IGSF11: variants seen among roughly 807,000 people sequenced by gnomAD.
IGSF11 encodes immunoglobulin superfamily member 11.
In IGSF11, 22 loss-of-function variants were observed where a neutral mutation model predicts 41.0. That is an observed-to-expected ratio of 0.54 (90% CI 0.38 to 0.77). IGSF11 has a LOEUF of 0.77. IGSF11 is among the 30% of genes least tolerant of loss of function. IGSF11 has a pLI of 0.00. For missense variants in IGSF11, 444 were observed against 530.8 expected, an observed-to-expected ratio of 0.84 and a Z score of 1.61; for synonymous variants, 219 against 201.3, an observed-to-expected ratio of 1.09 and a Z score of -0.74.
intron 1 of IGSF11, among the ~76,000 whole-genome samples, chr3:119,044,978 T>C (rs1001502387): frequency 2.6e-5 from 4 of 151,934 alleles, no homozygotes; most frequent in African/African-American, 9.7e-5. Context: ...ACAGGACCTA[T>C]AAAACAATAA....
At chr3:118,960,105 T>C (rs1945243224) in intron 1 of IGSF11, among the ~76,000 whole-genome samples, 1 of 150,112 alleles carries the variant, frequency 6.7e-6, no homozygotes, top group South Asian at 2.1e-4. Flanking sequence ...ACCCAGGTAA[T>C]AATGTGGCTC....
chr3:118,935,495 G>T (rs952314325), intron 1 of IGSF11, among the ~76,000 whole-genome samples: 1 of 150,678 alleles, frequency 6.6e-6, no homozygotes, highest in African/African-American at 2.4e-5. Context: ...AAGACAAACT[G>T]CCCTGAAGAA....
intron 1 of IGSF11, among the ~76,000 whole-genome samples, chr3:119,059,418 G>T (rs779079518): frequency 1.3e-5 from 2 of 152,050 alleles, no homozygotes; most frequent in African/African-American, 2.4e-5. Context: ...GGGGAAGGGT[G>T]GAGGGTGGTG....
intron 1 of IGSF11, among the ~76,000 whole-genome samples, chr3:119,138,633 TGAG>T (rs1263721413): frequency 1.3e-5 from 2 of 152,050 alleles, no homozygotes; most frequent in Non-Finnish European, 2.9e-5. Context: ...TACAGTGAGC[TGAG>T]ATTGTTCCAC....
intron 1 of IGSF11, among the ~76,000 whole-genome samples, chr3:119,007,437 G>T (rs539973833): frequency 6.6e-6 from 1 of 152,020 alleles, no homozygotes; most frequent in Admixed American, 6.5e-5. Flanking sequence ...CGTCGCTCAC[G>T]CTGGGAGCTG....
intron 1 of IGSF11, among the ~76,000 whole-genome samples, chr3:118,959,908 G>A (rs1945221560): frequency 6.6e-6 from 1 of 152,136 alleles, no homozygotes; most frequent in African/African-American, 2.4e-5. Flanking sequence ...AGCTGGGCGT[G>A]GTGGCGGGCG....
At position 118,902,301 on chromosome 3, in the gene IGSF11, C is replaced by A. The variant is rs1426613605; in HGVS notation, c.*219G>T. On this transcript the variant is annotated 3_prime_UTR_variant, in exon 7 of 7. Coordinates refer to ENST00000393775, the MANE Select transcript of IGSF11 (RefSeq NM_001015887.3). The stretch of plus-strand genomic sequence containing the variant: ...GCACATCTTTGAGATCCAGCAGAAT[C>A]CCAGGACATCTTTGGTGGGGAAGCA... The A allele has an allele frequency of 5.9e-6, 3 of 504,408 alleles. No homozygotes were observed. The highest frequency in any genetic ancestry group is 6.8e-5 in the Admixed American group (2 of 29,316). The allele number at this position is 504,408 out of a possible 1,614,324, so 31.2% of individuals were successfully genotyped here.
chr3:118,989,356 C>CAT (rs1935561154), intron 1 of IGSF11, among the ~76,000 whole-genome samples: 1 of 66,574 alleles, frequency 1.5e-5, no homozygotes, highest in African/African-American at 6.0e-5. Flanking sequence ...ACCTTTATAG[C>CAT]ATTTTTTTTT....
intron 1 of IGSF11, among the ~76,000 whole-genome samples, chr3:118,932,479 A>G (rs1942940218): frequency 6.6e-6 from 1 of 152,240 alleles, no homozygotes; most frequent in Non-Finnish European, 1.5e-5. Flanking sequence ...GCAGAATAAA[A>G]TGTTTCATAA....
At chr3:119,047,573 C>A (rs1450671545) in intron 1 of IGSF11, among the ~76,000 whole-genome samples, 2 of 152,180 alleles carry the variant, frequency 1.3e-5, no homozygotes, top group Non-Finnish European at 2.9e-5. Context: ...ACACTGTCAA[C>A]ATTAGACAGA....
At chr3:119,141,233 C>T (rs1268486040) in intron 1 of IGSF11, among the ~76,000 whole-genome samples, 1 of 151,110 alleles carries the variant, frequency 6.6e-6, no homozygotes, top group Admixed American at 6.6e-5. Context: ...CAAATGAAAA[C>T]ACAACATACT....
At chr3:118,995,608 C>G (rs994322231) in intron 1 of IGSF11, among the ~76,000 whole-genome samples, 9 of 152,096 alleles carry the variant, frequency 5.9e-5, no homozygotes, top group Admixed American at 2.0e-4. Flanking sequence ...AGAATGAAGA[C>G]AGAATCAAGG....
At chr3:119,110,546 T>C (rs962581363) in intron 1 of IGSF11, among the ~76,000 whole-genome samples, 37 of 152,352 alleles carry the variant, frequency 2.4e-4, no homozygotes, top group African/African-American at 8.4e-4. Flanking sequence ...CTTTATCCAA[T>C]TTGCCAGTCT....
chr3:119,061,752 G>A (rs1337340634), intron 1 of IGSF11, among the ~76,000 whole-genome samples: 1 of 149,136 alleles, frequency 6.7e-6, no homozygotes, highest in East Asian at 2.0e-4. Context: ...ATCTATATAC[G>A]TGGTTCCTAC....
At chr3:118,916,711 C>T (rs946112553) in intron 4 of IGSF11, among the ~76,000 whole-genome samples, 35 of 151,820 alleles carry the variant, frequency 2.3e-4, no homozygotes, top group Non-Finnish European at 3.8e-4. Context: ...GACAGAAAGT[C>T]AACAAGGATA....
At chr3:118,987,735 C>T (rs1397876449) in intron 1 of IGSF11, among the ~76,000 whole-genome samples, 1 of 152,214 alleles carries the variant, frequency 6.6e-6, no homozygotes, top group Admixed American at 6.5e-5. Context: ...CAGGGCTGGA[C>T]AGTCTGTGGG....
intron 1 of IGSF11, among the ~76,000 whole-genome samples, chr3:119,043,030 G>C (rs774049243): frequency 7.9e-5 from 12 of 152,214 alleles, no homozygotes; most frequent in Non-Finnish European, 1.5e-4. Flanking sequence ...CTCATGTGGT[G>C]AGTGTTATAG....
At chr3:118,970,197 ATAAAAT>A (rs1933222310) in intron 1 of IGSF11, among the ~76,000 whole-genome samples, 1 of 152,244 alleles carries the variant, frequency 6.6e-6, no homozygotes, top group East Asian at 1.9e-4. Flanking sequence ...AGAATTTGAC[ATAAAAT>A]TCAAAAGTCA....
intron 1 of IGSF11, among the ~76,000 whole-genome samples, chr3:118,935,101 C>G (rs956343577): frequency 2.0e-5 from 3 of 151,440 alleles, no homozygotes; most frequent in Admixed American, 2.0e-4. Flanking sequence ...TCATACCTTG[C>G]GATTATATAA....
Sources: gnomAD v4.1 joint callset for allele counts (sites outside exome capture counted in the v4.1 genomes callset) on GRCh38, gnomAD v4.1.1 for gene constraint, MANE v1.5 for transcripts, NCBI Gene and HGNC (gene_info 2026-07-23, HGNC 2026-07-21) for gene names.